CCBE1: variants seen among roughly 807,000 people sequenced by gnomAD.
The protein encoded by CCBE1 is collagen and calcium-binding EGF domain-containing protein 1.
CCBE1 carries 37 observed loss-of-function variants against 50.0 expected under a neutral mutation model. The ratio of observed to expected loss-of-function variants is 0.74; its 90% CI spans 0.57 to 0.97. The LOEUF (loss-of-function observed/expected upper bound fraction) is 0.97. Ranked by LOEUF, CCBE1 falls within the 50% of genes least tolerant of loss-of-function variation. The probability of loss-of-function intolerance (pLI) is 0.00; values close to 1 mark genes in which losing one functional copy is unlikely to be tolerated. For missense variants in CCBE1, 538 were observed against 523.8 expected (o/e 1.03, Z -0.26); for synonymous variants, 234 against 203.7 (o/e 1.15, Z -1.27).
rs537247562 is a variant in CCBE1, at chr18:59,594,245, C to T, written c.212+102384G>A. Among the ~76,000 whole-genome samples, 158 of 152,268 alleles carry T rather than the reference C, an allele frequency of 1.0e-3. 1 individual carries two copies. The Middle Eastern group carries it at 0.014, about 13-fold the overall frequency. ...TCCGTCCTCCTTCTACAAATGAATC[C>T]GCTACAGATGGGTTCCTGAAAATTT... On this transcript the variant is annotated intron_variant, in intron 2 of 10. Coordinates refer to ENST00000439986, the MANE Select transcript of CCBE1 (RefSeq NM_133459.4).
In CCBE1 at chr18:59,697,381, T is replaced by C. The variant is rs1046469958; in HGVS notation, c.-39A>G. The stretch of plus-strand genomic sequence containing the variant: ...GGCTTCTTCCCAGCGCCGAGCTCCG[T>C]CCGGACCAAGCGTCCTGCTCCTCCG... On this transcript the variant is annotated 5_prime_UTR_variant, in exon 1 of 11. Transcript: ENST00000439986. The C allele has an allele frequency of 5.9e-6, 9 of 1,538,184 alleles. No individual in the cohort carries two copies. The African/African-American group carries it at 1.2e-4, about 21-fold the overall frequency.
intron 2 of CCBE1, among the ~76,000 whole-genome samples, chr18:59,662,153 C>T (rs997445216): frequency 1.1e-4 from 16 of 152,162 alleles, no homozygotes; most frequent in African/African-American, 3.9e-4. Flanking sequence ...GAAATCACCA[C>T]CAATAACAAA....
At chr18:59,459,516 GT>G (rs1911359831) in intron 5 of CCBE1, among the ~76,000 whole-genome samples, 1 of 152,100 alleles carries the variant, frequency 6.6e-6, no homozygotes, top group African/African-American at 2.4e-5. Flanking sequence ...TCTTCAACTT[GT>G]TCAGATTTTA....
In CCBE1 at chr18:59,436,151, T is replaced by TG; in HGVS notation, c.988-11dup. 1 of 1,613,006 alleles carries TG rather than the reference T, an allele frequency of 6.2e-7. No individual in the cohort carries two copies. Among genetic ancestry groups the TG allele is most frequent in the Non-Finnish European group, 8.5e-7 (1 of 1,179,146 alleles). ...AAGAACCAGGGGGTCCCTGTGTACA[T>TG]GGGAGGAATCAAAGCTAGAATACGA... is the stretch of plus-strand genomic sequence containing the variant. On this transcript the variant is annotated splice_polypyrimidine_tract_variant and intron_variant, in intron 10 of 10. Transcript: ENST00000439986.
In CCBE1 at chr18:59,439,572, G is replaced by A. The variant is rs781124760; in HGVS notation, c.922C>T (p.Pro308Ser). ...KQGRRGPVGP[P>S]GAPGRDGSKG... Reference sequence around the variant, plus strand: ...GAACCATCTCTTCCTGGTGCCCCTGGTGGACCCTGTAATACAAAAGGATCT... The same window carrying A: ...GAACCATCTCTTCCTGGTGCCCCTGATGGACCCTGTAATACAAAAGGATCT... Residue 308 changes from proline (P) to serine (S), a missense_variant, in exon 9 of 11, where the codon CCA becomes TCA. Coordinates refer to ENST00000439986, the MANE Select transcript of CCBE1 (RefSeq NM_133459.4). The A allele has an allele frequency of 1.2e-6, 2 of 1,614,224 alleles. No individual in the cohort carries two copies. The highest frequency in any genetic ancestry group is 2.2e-5 in the South Asian group (2 of 91,084).
chr18:59,468,932 G>A (rs1911888749), intron 4 of CCBE1, among the ~76,000 whole-genome samples: 1 of 151,600 alleles, frequency 6.6e-6, no homozygotes, highest in Non-Finnish European at 1.5e-5. Context: ...AATGGAAAAT[G>A]AGCCATAAAG....
intron 2 of CCBE1, among the ~76,000 whole-genome samples, chr18:59,615,729 C>G (rs956591190): frequency 1.3e-5 from 2 of 152,156 alleles, no homozygotes; most frequent in African/African-American, 4.8e-5. Flanking sequence ...CTGCTCTCCA[C>G]TAATCCCCCC....
chr18:59,566,678 A>G (rs865975980), intron 2 of CCBE1, among the ~76,000 whole-genome samples: 1 of 152,200 alleles, frequency 6.6e-6, no homozygotes, highest in South Asian at 2.1e-4. Flanking sequence ...TTATCTGAAC[A>G]TATTAATAAA....
At chr18:59,647,398 A>C (rs191188185) in intron 2 of CCBE1, among the ~76,000 whole-genome samples, 34 of 152,362 alleles carry the variant, frequency 2.2e-4, no homozygotes, top group African/African-American at 7.9e-4. Flanking sequence ...CTGGAAGGAT[A>C]TGCACTAAAA....
At chr18:59,453,504 T>C (rs1409467792) in intron 6 of CCBE1, among the ~76,000 whole-genome samples, 1 of 152,234 alleles carries the variant, frequency 6.6e-6, no homozygotes, top group Non-Finnish European at 1.5e-5. Context: ...GATATATACA[T>C]GTTTCTGTTA....
At chr18:59,594,096 C>CCAGCTT (rs2053315589) in intron 2 of CCBE1, among the ~76,000 whole-genome samples, 1 of 152,192 alleles carries the variant, frequency 6.6e-6, no homozygotes, top group Non-Finnish European at 1.5e-5. Flanking sequence ...ATGAAAAATA[C>CCAGCTT]CAAGTTCTCT....
At chr18:59,462,200 A>G (rs1245837023) in intron 5 of CCBE1, among the ~76,000 whole-genome samples, 1 of 152,184 alleles carries the variant, frequency 6.6e-6, no homozygotes, top group Non-Finnish European at 1.5e-5. Context: ...ATCAGATGCC[A>G]TGCAGTCTAC....
intron 2 of CCBE1, among the ~76,000 whole-genome samples, chr18:59,587,198 G>A (rs956994553): frequency 6.6e-6 from 1 of 152,150 alleles, no homozygotes; most frequent in African/African-American, 2.4e-5. Flanking sequence ...TTAAAGCCCA[G>A]TAACTATGAG....
At chr18:59,525,404 A>G (rs1598979072) in intron 2 of CCBE1, among the ~76,000 whole-genome samples, 1 of 152,188 alleles carries the variant, frequency 6.6e-6, no homozygotes, top group African/African-American at 2.4e-5. Flanking sequence ...TGTCTTTGCC[A>G]ACTTTTTAAT....
chr18:59,450,121 C>T (rs1051793105), intron 6 of CCBE1, among the ~76,000 whole-genome samples: 1 of 152,160 alleles, frequency 6.6e-6, no homozygotes, highest in African/African-American at 2.4e-5. Flanking sequence ...CTGCATTTCT[C>T]CCAGATTCCA....
chr18:59,667,261 C>T (rs554493141), intron 2 of CCBE1, among the ~76,000 whole-genome samples: 1 of 152,278 alleles, frequency 6.6e-6, no homozygotes, highest in South Asian at 2.1e-4. Flanking sequence ...CAGGGAGACC[C>T]TGACTCAAAA....
intron 2 of CCBE1, among the ~76,000 whole-genome samples, chr18:59,561,954 T>G (rs2144451712): frequency 6.6e-6 from 1 of 152,146 alleles, no homozygotes; most frequent in East Asian, 1.9e-4. Flanking sequence ...TATTGCCCCC[T>G]GAGGTGTTCT....
intron 2 of CCBE1, among the ~76,000 whole-genome samples, chr18:59,578,986 T>C (rs59543801): frequency 6.6e-6 from 1 of 152,240 alleles, no homozygotes; most frequent in East Asian, 1.9e-4. Context: ...AGAAAAAAAA[T>C]GTAAAGACAT....
chr18:59,438,916 G>A (rs965418859), intron 9 of CCBE1, among the ~76,000 whole-genome samples: 3 of 152,170 alleles, frequency 2.0e-5, no homozygotes, highest in African/African-American at 7.2e-5. Flanking sequence ...TTGGGAGGCT[G>A]AGACGGGCAG....
Sources: gnomAD v4.1 joint callset for allele counts (sites outside exome capture counted in the v4.1 genomes callset) on GRCh38, gnomAD v4.1.1 for gene constraint, MANE v1.5 for transcripts, NCBI Gene and HGNC (gene_info 2026-07-23, HGNC 2026-07-21) for gene names.